The following CNTN1 variants were observed in gnomAD, a reference collection of about 807,000 sequenced individuals.
The protein encoded by CNTN1 is contactin-1.
In CNTN1, 38 loss-of-function variants were observed where a neutral mutation model predicts 126.4. The observed-to-expected ratio is 0.30, with a 90% CI of 0.23 to 0.39. The LOEUF (loss-of-function observed/expected upper bound fraction) is 0.39. Ranked by LOEUF, CNTN1 falls within the 10% of genes least tolerant of loss-of-function variation. The pLI is 1.00. For missense variants in CNTN1, 1,009 were observed against 1,248.4 expected (o/e 0.81, Z 2.89); for synonymous variants, 413 against 422.6 (o/e 0.98, Z 0.28).
At chr12:40,740,381 A>G (rs909153091) in intron 1 of CNTN1, among the ~76,000 whole-genome samples, 3 of 151,916 alleles carry the variant, frequency 2.0e-5, no homozygotes, top group African/African-American at 4.8e-5. Context: ...TCTGGAAATT[A>G]TAGTAACTCT....
chr12:40,758,021 C>G (rs1938679193), intron 1 of CNTN1, among the ~76,000 whole-genome samples: 1 of 151,556 alleles, frequency 6.6e-6, no homozygotes, highest in African/African-American at 2.4e-5. Context: ...AATCTGTCTC[C>G]CCTTCTTTTC....
At chr12:41,060,564 G>A (rs2121103315) in intron 23 of CNTN1, among the ~76,000 whole-genome samples, 1 of 152,262 alleles carries the variant, frequency 6.6e-6, no homozygotes, top group East Asian at 1.9e-4. Context: ...GCTGAGAAAA[G>A]TTACTCCTGG....
intron 1 of CNTN1, among the ~76,000 whole-genome samples, chr12:40,902,328 A>C (rs1225710743): frequency 1.3e-5 from 2 of 152,156 alleles, no homozygotes; most frequent in Non-Finnish European, 2.9e-5. Flanking sequence ...TTTCAGATCG[A>C]GTCTGAGAGG....
chr12:40,974,875 A>G (rs992854197), intron 15 of CNTN1, among the ~76,000 whole-genome samples: 2 of 152,132 alleles, frequency 1.3e-5, no homozygotes, highest in Non-Finnish European at 2.9e-5. Flanking sequence ...AATGTACAGT[A>G]TAAATTTCCC....
At chr12:41,029,522 G>A (rs905309981) in intron 23 of CNTN1, among the ~76,000 whole-genome samples, 5 of 152,246 alleles carry the variant, frequency 3.3e-5, no homozygotes, top group African/African-American at 4.8e-5. Flanking sequence ...TAGTTTATTT[G>A]ATTGTGGTAA....
chr12:41,047,561 A>G (rs537368399), intron 23 of CNTN1, among the ~76,000 whole-genome samples: 1 of 151,954 alleles, frequency 6.6e-6, no homozygotes, highest in East Asian at 2.0e-4. Flanking sequence ...GCTTGGAATC[A>G]TACCATCACC....
chr12:40,695,262 G>T (rs1356503659), intron 1 of CNTN1, among the ~76,000 whole-genome samples: 1 of 152,116 alleles, frequency 6.6e-6, no homozygotes, highest in East Asian at 1.9e-4. Flanking sequence ...AATGATTTGG[G>T]GATATTTTTT....
At chr12:40,999,769 C>G (rs1003639179) in intron 17 of CNTN1, among the ~76,000 whole-genome samples, 1 of 134,552 alleles carries the variant, frequency 7.4e-6, no homozygotes, top group African/African-American at 2.8e-5. Flanking sequence ...GTGGCAGGAT[C>G]TCGGCTCACA....
rs12829656 is a variant in CNTN1, at chr12:40,706,113, G to T, written c.-77+13521G>T. ...TTGATGCTTTATATATATATATATA[G>T]ATATATAGATATTTTTATTATACTT... On this transcript the variant is annotated intron_variant, in intron 1 of 23. Coordinates refer to ENST00000551295, the MANE Select transcript of CNTN1 (RefSeq NM_001843.4). Among the ~76,000 whole-genome samples the T allele has an allele frequency of 3.2e-4, 39 of 120,592 alleles. No individual in the cohort carries two copies. The South Asian group carries it at 4.0e-3, about 13-fold the overall frequency. The allele number at this position is 120,592 out of a possible 152,430, so 79.1% of individuals were successfully genotyped here.
chr12:41,057,500 C>T (rs1248124497), intron 23 of CNTN1, among the ~76,000 whole-genome samples: 1 of 151,866 alleles, frequency 6.6e-6, no homozygotes, highest in Non-Finnish European at 1.5e-5. Flanking sequence ...AAAAAATCAA[C>T]CTATGGCTAG....
intron 15 of CNTN1, among the ~76,000 whole-genome samples, chr12:40,976,815 G>A (rs866397992): frequency 6.6e-6 from 1 of 152,152 alleles, no homozygotes; most frequent in Non-Finnish European, 1.5e-5. Context: ...GACCGTCCAC[G>A]TTTGTCTCCG....
At chr12:40,708,296 AT>A (rs1241943281) in intron 1 of CNTN1, among the ~76,000 whole-genome samples, 5 of 152,148 alleles carry the variant, frequency 3.3e-5, no homozygotes, top group Non-Finnish European at 7.4e-5. Context: ...AGTCACACAC[AT>A]TTTTTGATAT....
intron 1 of CNTN1, among the ~76,000 whole-genome samples, chr12:40,754,301 C>G (rs116618531): frequency 3.3e-5 from 5 of 151,972 alleles, no homozygotes; most frequent in Non-Finnish European, 7.4e-5. Context: ...ATTTCAGCAC[C>G]GTTACAGGTA....
chr12:40,728,392 A>C (rs1942411653), intron 1 of CNTN1, among the ~76,000 whole-genome samples: 1 of 152,188 alleles, frequency 6.6e-6, no homozygotes, highest in South Asian at 2.1e-4. Context: ...ATATCCAGGC[A>C]GGAACAAGGG....
intron 1 of CNTN1, among the ~76,000 whole-genome samples, chr12:40,859,817 A>C (rs930911042): frequency 1.3e-5 from 2 of 152,134 alleles, no homozygotes; most frequent in Non-Finnish European, 2.9e-5. Flanking sequence ...AGTTTTAATA[A>C]ATTTTTACCA....
intron 19 of CNTN1, among the ~76,000 whole-genome samples, chr12:41,018,708 GTGTGTA>G (rs1036007651): frequency 2.0e-5 from 3 of 151,466 alleles, no homozygotes; most frequent in Non-Finnish European, 2.9e-5. Context: ...GTGTGTGTGT[GTGTGTA>G]TGTGTATGTG....
At chr12:40,882,110 A>G (rs568472706) in intron 1 of CNTN1, among the ~76,000 whole-genome samples, 1 of 151,870 alleles carries the variant, frequency 6.6e-6, no homozygotes, top group East Asian at 1.9e-4. Context: ...GCAGAAGTAG[A>G]AAAAGAATTT....
intron 1 of CNTN1, among the ~76,000 whole-genome samples, chr12:40,852,242 C>A (rs1210294728): frequency 6.6e-6 from 1 of 152,090 alleles, no homozygotes; most frequent in Non-Finnish European, 1.5e-5. Flanking sequence ...GCTGTCAGAC[C>A]CGATCAAATT....
intron 1 of CNTN1, among the ~76,000 whole-genome samples, chr12:40,847,478 C>T (rs1262093752): frequency 6.6e-6 from 1 of 151,922 alleles, no homozygotes; most frequent in Admixed American, 6.6e-5. Context: ...TCAAATCAGC[C>T]AAAACTTTTT....
Sources: allele counts gnomAD v4.1 joint callset (sites outside exome capture counted in the v4.1 genomes callset), GRCh38; gene constraint gnomAD v4.1.1; transcripts MANE v1.5; gene names NCBI Gene and HGNC (gene_info 2026-07-23, HGNC 2026-07-21).